The following C12orf42 variants were observed in gnomAD, a reference collection of about 807,000 sequenced individuals.
The protein encoded by C12orf42 is uncharacterized protein C12orf42.
Under a neutral mutation model 21.6 loss-of-function variants are expected in C12orf42, and 25 were observed. The ratio of observed to expected loss-of-function variants is 1.16; its 90% CI spans 0.84 to 1.62. The LOEUF (loss-of-function observed/expected upper bound fraction) is 1.62. Among genes scored for constraint, C12orf42 ranks in the 40% most tolerant of loss-of-function variants. The probability of loss-of-function intolerance (pLI) is 0.00; values close to 1 mark genes in which losing one functional copy is unlikely to be tolerated. For missense variants in C12orf42, 483 were observed against 459.3 expected (o/e 1.05, Z -0.47); for synonymous variants, 174 against 175.0 (o/e 0.99, Z 0.05).
chr12:103,089,858 G>A, the C12orf42 span, among the ~76,000 whole-genome samples: 1 of 152,008 alleles, frequency 6.6e-6, no homozygotes, highest in East Asian at 1.9e-4. Context: ...AACAAAACAG[G>A]GCCTGAAGGT....
the C12orf42 span, among the ~76,000 whole-genome samples, chr12:103,088,081 G>A: frequency 1.2e-4 from 18 of 152,114 alleles, no homozygotes; most frequent in African/African-American, 4.3e-4. Flanking sequence ...GATTCCCAGG[G>A]AGCAAAGCAA....
chr12:103,519,696 C>G, the C12orf42 span, among the ~76,000 whole-genome samples: 1 of 152,136 alleles, frequency 6.6e-6, no homozygotes, highest in Non-Finnish European at 1.5e-5. Flanking sequence ...CTATCCATGT[C>G]ATTTTCATGG....
intron 4 of C12orf42, among the ~76,000 whole-genome samples, chr12:103,344,187 G>A (rs889122762): frequency 6.6e-6 from 1 of 152,146 alleles, no homozygotes; most frequent in African/African-American, 2.4e-5. Flanking sequence ...GGATGGCAGG[G>A]CAGCTGAATC....
chr12:103,169,422 C>CAA, the C12orf42 span, among the ~76,000 whole-genome samples: 78 of 140,268 alleles, frequency 5.6e-4, no homozygotes, highest in African/African-American at 1.8e-3. Flanking sequence ...TTCTTAAACT[C>CAA]AAAAAAAAAA....
the C12orf42 span, among the ~76,000 whole-genome samples, chr12:103,189,146 G>T: frequency 6.6e-4 from 100 of 152,318 alleles, no homozygotes; most frequent in African/African-American, 2.4e-3. Context: ...AAACAAGGCT[G>T]GGATTAACAC....
At chr12:103,479,990 T>G (rs1954351033) in intron 1 of C12orf42, among the ~76,000 whole-genome samples, 1 of 151,950 alleles carries the variant, frequency 6.6e-6, no homozygotes, top group African/African-American at 2.4e-5. Context: ...TTCTAACCAC[T>G]GATAGTTTGT....
At chr12:103,170,075 C>T in the C12orf42 span, among the ~76,000 whole-genome samples, 2 of 152,110 alleles carry the variant, frequency 1.3e-5, no homozygotes, top group African/African-American at 4.8e-5. Flanking sequence ...GTACTCCAGG[C>T]TTGAGTGGTG....
At chr12:103,368,181 A>G in intron 4 of C12orf42, 1 of 570,104 alleles carries the variant, frequency 1.8e-6, no homozygotes, top group African/African-American at 1.9e-5. Context: ...GAATATAACT[A>G]ATACAATTAT....
chr12:103,308,798 A>G (rs1275370162), intron 4 of C12orf42, among the ~76,000 whole-genome samples: 1 of 152,218 alleles, frequency 6.6e-6, no homozygotes, highest in East Asian at 1.9e-4. Flanking sequence ...CTTTGCAAAG[A>G]TAATTAAGCT....
the C12orf42 span, among the ~76,000 whole-genome samples, chr12:103,199,194 A>G: frequency 6.6e-6 from 1 of 152,230 alleles, no homozygotes. Flanking sequence ...CAACAGTACC[A>G]AGAATACATA....
chr12:103,181,048 G>C, the C12orf42 span, among the ~76,000 whole-genome samples: 4 of 152,000 alleles, frequency 2.6e-5, no homozygotes, highest in Admixed American at 1.3e-4. Context: ...CAGATCACAA[G>C]GTTGAGAGAT....
chr12:103,143,394 T>C, the C12orf42 span, among the ~76,000 whole-genome samples: 4 of 152,192 alleles, frequency 2.6e-5, no homozygotes, highest in Admixed American at 6.5e-5. Context: ...TGGTAGTTTA[T>C]CTTCGGTAGC....
chr12:103,282,211 C>T (rs1448426559), intron 4 of C12orf42, among the ~76,000 whole-genome samples: 2 of 152,068 alleles, frequency 1.3e-5, no homozygotes, highest in Non-Finnish European at 2.9e-5. Flanking sequence ...AAAGAAAATC[C>T]TCAAATAAGA....
intron 2 of C12orf42, among the ~76,000 whole-genome samples, chr12:103,410,151 G>C (rs759667357): frequency 5.3e-5 from 8 of 152,138 alleles, no homozygotes; most frequent in Admixed American, 2.0e-4. Context: ...CTGTCATCCA[G>C]TCAGTAGTTG....
At chr12:103,394,195 T>C (rs923918169) in intron 3 of C12orf42, among the ~76,000 whole-genome samples, 2 of 152,216 alleles carry the variant, frequency 1.3e-5, no homozygotes, top group Non-Finnish European at 1.5e-5. Context: ...TAATCCCTGC[T>C]AAAGTCAGAG....
At chr12:103,064,753 G>GAAAT in the C12orf42 span, among the ~76,000 whole-genome samples, 3,811 of 152,252 alleles carry the variant, frequency 0.025, 146 homozygotes, top group African/African-American at 0.086. Flanking sequence ...TGGGGAAAGG[G>GAAAT]AAATGATCAG....
intron 3 of C12orf42, among the ~76,000 whole-genome samples, chr12:103,376,223 G>A (rs1002388724): frequency 2.6e-5 from 4 of 152,112 alleles, no homozygotes; most frequent in African/African-American, 9.7e-5. Flanking sequence ...ATAATATGCA[G>A]ACAAAAAATA....
chr12:103,329,170 T>C (rs1235905622), intron 4 of C12orf42, among the ~76,000 whole-genome samples: 4 of 152,062 alleles, frequency 2.6e-5, no homozygotes, highest in Non-Finnish European at 4.4e-5. Flanking sequence ...CATTCAGAGC[T>C]ATGGCAGTAT....
the C12orf42 span, among the ~76,000 whole-genome samples, chr12:103,099,506 G>C: frequency 2.6e-5 from 4 of 152,192 alleles, no homozygotes; most frequent in Non-Finnish European, 4.4e-5. Context: ...GGGCTTGGAG[G>C]GTGAGCTAAG....
Sources: allele counts gnomAD v4.1 joint callset (sites outside exome capture counted in the v4.1 genomes callset), GRCh38; gene constraint gnomAD v4.1.1; transcripts MANE v1.5; gene names NCBI Gene and HGNC (gene_info 2026-07-23, HGNC 2026-07-21).